Variants in IST1 observed in about 807,000 individuals in gnomAD.
IST1 encodes IST1 homolog.
In IST1, 23 loss-of-function variants were observed where a neutral mutation model predicts 37.0. That is an observed-to-expected ratio of 0.62 (90% CI 0.45 to 0.88). The LOEUF (loss-of-function observed/expected upper bound fraction) is 0.88. Ranked by LOEUF, IST1 falls within the 40% of genes least tolerant of loss-of-function variation. The probability of loss-of-function intolerance (pLI) is 0.00; values close to 1 mark genes in which losing one functional copy is unlikely to be tolerated. For missense variants in IST1, 488 were observed against 445.4 expected, an observed-to-expected ratio of 1.10 and a Z score of -0.86; for synonymous variants, 180 against 161.7, an observed-to-expected ratio of 1.11 and a Z score of -0.86.
chr16:71,916,840 G>T (rs545041336), intron 3 of IST1, among the ~76,000 whole-genome samples, 198 bp downstream of exon 3: 1 of 152,222 alleles, frequency 6.6e-6, no homozygotes, highest in South Asian at 2.1e-4. Context: ...ACCATTTTCC[G>T]AGTTCATGGC....
rs777152039 is a variant in IST1 at position 71,928,570 on chromosome 16, A to G, written c.*757A>G. On this transcript the variant is annotated 3_prime_UTR_variant, in exon 10 of 10. Coordinates refer to ENST00000378799, the MANE Select transcript of IST1 (RefSeq NM_001270975.2). ...CCTGTAGCATATTGTGTTGGATTGC[A>G]TTACTGGCAGAGAAAGGACAAGGTG... 2 of 152,648 alleles carry G rather than the reference A, an allele frequency of 1.3e-5. No homozygotes were observed. The highest frequency in any genetic ancestry group is 2.9e-5 in the Non-Finnish European group (2 of 68,068). The allele number at this position is 152,648 out of a possible 1,614,324, so 9.5% of individuals were successfully genotyped here.
chr16:71,894,982 C>T (rs2036932682), upstream of IST1: 1 of 692,358 alleles, frequency 1.4e-6, no homozygotes, highest in Non-Finnish European at 2.4e-6. Flanking sequence ...GTCCAAAGGG[C>T]AACCGGACGG....
intron 1 of IST1, among the ~76,000 whole-genome samples, chr16:71,906,870 T>A (rs1003077171): frequency 6.6e-6 from 1 of 152,054 alleles, no homozygotes. Flanking sequence ...TTCAATATTT[T>A]AAAAAATTGT....
intron 9 of IST1, among the ~76,000 whole-genome samples, chr16:71,926,307 G>T (rs1404780443): frequency 6.6e-6 from 1 of 151,830 alleles, no homozygotes; most frequent in South Asian, 2.1e-4. Context: ...ATATTAGACA[G>T]TTGTCTTATG....
At chr16:71,922,770 C>CA in intron 7 of IST1, 90 bp downstream of exon 7, 6 of 1,071,668 alleles carry the variant, frequency 5.6e-6, no homozygotes, top group Non-Finnish European at 8.3e-6. Flanking sequence ...CATAGGTTGT[C>CA]AGGAGCCATT....
At chr16:71,899,689 A>C (rs2037058353) in intron 1 of IST1, among the ~76,000 whole-genome samples, 1 of 151,508 alleles carries the variant, frequency 6.6e-6, no homozygotes, top group South Asian at 2.1e-4. Flanking sequence ...CAGCCTAGCC[A>C]ACATGGTGAA....
chr16:71,895,551 A>C lies in IST1; in HGVS notation c.-54A>C, dbSNP rs2036945002. On this transcript the variant is annotated 5_prime_UTR_variant, in exon 1 of 10. Transcript: ENST00000378799. The stretch of plus-strand genomic sequence containing the variant: ...TCGCCATTTTGGATGGTGAACCCTG[A>C]AGTCGGTGTCTGCTGCGTTCACGGC... 2.0e-6 allele frequency: 2 copies of C among 985,502 alleles called. No homozygotes were observed. The highest frequency in any genetic ancestry group is 2.4e-6 in the Non-Finnish European group (2 of 830,050). 61.0% of individuals were successfully genotyped at this position (985,502 alleles called of 1,614,324 possible).
chr16:71,930,185 T>C lies in IST1; in HGVS notation c.*2372T>C. ...CAGGACTGGGTCTAAAGCGAAAACC[T>C]GGGAAAACAATAAGAACACTTGCAG... On this transcript the variant is annotated 3_prime_UTR_variant, in exon 10 of 10. Coordinates refer to ENST00000378799, the MANE Select transcript of IST1 (RefSeq NM_001270975.2). The C allele has an allele frequency of 6.5e-7, 1 of 1,539,782 alleles. No individual in the cohort carries two copies. Among genetic ancestry groups the C allele is most frequent in the South Asian group, 1.2e-5 (1 of 82,904 alleles).
chr16:71,927,055 A>G (rs2037760754), intron 9 of IST1, among the ~76,000 whole-genome samples: 1 of 152,206 alleles, frequency 6.6e-6, no homozygotes, highest in Admixed American at 6.5e-5. Flanking sequence ...ATGAAAAGGA[A>G]CAGTCGATTG....
intron 1 of IST1, among the ~76,000 whole-genome samples, chr16:71,901,228 T>C (rs2037100527): frequency 6.6e-6 from 1 of 152,202 alleles, no homozygotes; most frequent in Admixed American, 6.5e-5. Context: ...TTTTCTTTTT[T>C]TTTGAGACGG....
chr16:71,923,883 T>C (rs1475297514), intron 8 of IST1, among the ~76,000 whole-genome samples: 1 of 152,224 alleles, frequency 6.6e-6, no homozygotes, highest in Non-Finnish European at 1.5e-5. Context: ...ATAGCTAATA[T>C]AATACCTCGA....
At chr16:71,908,090 C>T (rs1481403472) in intron 1 of IST1, among the ~76,000 whole-genome samples, 4 of 151,736 alleles carry the variant, frequency 2.6e-5, no homozygotes, top group South Asian at 2.1e-4. Context: ...ACTACAGGCA[C>T]GTGCCACCAC....
chr16:71,897,735 C>T (rs1426803400), intron 1 of IST1, among the ~76,000 whole-genome samples: 1 of 149,030 alleles, frequency 6.7e-6, no homozygotes, highest in African/African-American at 2.5e-5. Flanking sequence ...CACCTGAGGT[C>T]AGGAGTTTGA....
At chr16:71,918,230 A>G (rs1273481999) in intron 4 of IST1, among the ~76,000 whole-genome samples, 1 of 152,184 alleles carries the variant, frequency 6.6e-6, no homozygotes, top group East Asian at 1.9e-4. Flanking sequence ...TATTTGATAC[A>G]TAGAAGACTT....
At position 71,926,263 on chromosome 16, in the gene IST1, CAG is replaced by C. The variant is rs552132981; in HGVS notation, c.902-1348_902-1347del. 4.8e-3 allele frequency among the ~76,000 whole-genome samples: 732 copies of C among 152,012 alleles called. 5 individuals are homozygous for C. Among genetic ancestry groups the C allele is most frequent in the Non-Finnish European group, 6.5e-3 (443 of 67,992 alleles). ...TGCCATTGCACTCCAGCCTGGGCGA[CAG>C]AGTGAGACTTTGTCTAAAAAGAATA... is the stretch of plus-strand genomic sequence containing the variant. On this transcript the variant is annotated intron_variant, in intron 9 of 9. Coordinates refer to ENST00000378799, the MANE Select transcript of IST1 (RefSeq NM_001270975.2).
intron 1 of IST1, among the ~76,000 whole-genome samples, chr16:71,901,222 C>CT (rs1477786772): frequency 5.4e-5 from 8 of 147,978 alleles, no homozygotes; most frequent in African/African-American, 9.8e-5. Context: ...GGTTTTTTTT[C>CT]TTTTTTTTTG....
At chr16:71,895,026 G>A (rs1189521365), upstream of IST1, 6 of 524,084 alleles carry the variant, frequency 1.1e-5, no homozygotes, top group African/African-American at 2.0e-5. Context: ...CTTAGAGCCC[G>A]TAGAGGGACA....
At chr16:71,917,572 T>A (rs1001688512) in intron 4 of IST1, among the ~76,000 whole-genome samples, 4 of 152,234 alleles carry the variant, frequency 2.6e-5, no homozygotes, top group Admixed American at 1.3e-4. Context: ...CTCCTGTAGC[T>A]TAGAGTCTAG....
rs750655900 is a variant in IST1 at position 71,922,614 on chromosome 16, C to A, written c.693C>A (p.Pro231=). 2.8e-6 allele frequency: 2 copies of A among 705,500 alleles called. No individual in the cohort carries two copies. Among genetic ancestry groups the A allele is most frequent in the Non-Finnish European group, 3.9e-6 (2 of 518,468 alleles). The allele number at this position is 705,500 out of a possible 1,614,324, so 43.7% of individuals were successfully genotyped here. Residue 231 remains proline (P), a synonymous_variant, in exon 7 of 10, where the codon CCC becomes CCA. Coordinates refer to ENST00000378799, the MANE Select transcript of IST1 (RefSeq NM_001270975.2). ...VGGPDGTVPM[P]MPMPMPMPSA... is the part of the protein sequence containing the mutation. ...GACCTGATGGAACGGTGCCAATGCC[C>A]ATGCCCATGCCCATGCCTATGCCAT...
Sources: allele counts gnomAD v4.1 joint callset (sites outside exome capture counted in the v4.1 genomes callset), GRCh38; gene constraint gnomAD v4.1.1; transcripts MANE v1.5; gene names NCBI Gene and HGNC (gene_info 2026-07-23, HGNC 2026-07-21).